CDH12: variants seen among roughly 807,000 people sequenced by gnomAD.
The protein encoded by CDH12 is cadherin 12.
CDH12 carries 41 observed loss-of-function variants against 74.1 expected under a neutral mutation model. That is an observed-to-expected ratio of 0.55 (90% CI 0.43 to 0.72). The LOEUF is 0.72. CDH12 is among the 30% of genes least tolerant of loss of function. CDH12 has a pLI of 0.00. For missense variants in CDH12, 945 were observed against 977.2 expected, an observed-to-expected ratio of 0.97 and a Z score of 0.44; for synonymous variants, 399 against 355.0, an observed-to-expected ratio of 1.12 and a Z score of -1.39.
At position 22,307,941 on chromosome 5, in the gene CDH12, C is replaced by T. The variant is rs764159599; in HGVS notation, c.-332-95298G>A. ...TGTCGCCCAGGCTGGAGTGCAGTGG[C>T]GCGATCTCGGCTCACTGCAGGCTCT... On this transcript the variant is annotated intron_variant, in intron 3 of 14. Transcript: ENST00000382254. Among the ~76,000 whole-genome samples, 137 of 115,510 alleles carry T rather than the reference C, an allele frequency of 1.2e-3. 2 individuals carry two copies. Among genetic ancestry groups the T allele is most frequent in the East Asian group, 1.8e-3 (6 of 3,252 alleles). The allele number at this position is 115,510 out of a possible 152,430, so 75.8% of individuals were successfully genotyped here. A position where few individuals can be genotyped will look rare whatever the true frequency, so the allele number is the denominator to read the frequency against.
intron 6 of CDH12, among the ~76,000 whole-genome samples, chr5:21,915,076 G>C (rs1754026371): frequency 1.3e-5 from 2 of 152,170 alleles, no homozygotes; most frequent in Non-Finnish European, 2.9e-5. Context: ...TTCAGCCTGG[G>C]AAGGACCTGA....
intron 4 of CDH12, among the ~76,000 whole-genome samples, chr5:22,125,123 G>A (rs1218623769): frequency 6.6e-6 from 1 of 151,414 alleles, no homozygotes; most frequent in African/African-American, 2.4e-5. Flanking sequence ...TTTAAATTCT[G>A]GGATACATGT....
At chr5:22,492,671 T>C (rs148578523) in intron 2 of CDH12, among the ~76,000 whole-genome samples, 3 of 152,254 alleles carry the variant, frequency 2.0e-5, no homozygotes, top group Non-Finnish European at 4.4e-5. Flanking sequence ...CTAAAACTTC[T>C]TTTGTTTATT....
intron 5 of CDH12, among the ~76,000 whole-genome samples, chr5:22,010,428 A>G (rs2150152219): frequency 6.6e-6 from 1 of 152,280 alleles, no homozygotes. Context: ...ATGTAACCTG[A>G]GCAAACTTAG....
At chr5:22,552,532 G>A (rs1169731577) in intron 1 of CDH12, among the ~76,000 whole-genome samples, 1 of 151,560 alleles carries the variant, frequency 6.6e-6, no homozygotes, top group East Asian at 1.9e-4. Flanking sequence ...GGGTTCAAGC[G>A]ATTATCCTGC....
intron 3 of CDH12, among the ~76,000 whole-genome samples, chr5:22,349,193 T>A (rs1740250543): frequency 6.6e-6 from 1 of 152,208 alleles, no homozygotes. Context: ...CTTTCAGCAC[T>A]GTAAGAAATA....
At chr5:22,161,614 C>T (rs1355434872) in intron 4 of CDH12, among the ~76,000 whole-genome samples, 2 of 151,978 alleles carry the variant, frequency 1.3e-5, no homozygotes, top group Admixed American at 6.6e-5. Context: ...ATTGGATGAG[C>T]TCAGGAGTTC....
intron 3 of CDH12, among the ~76,000 whole-genome samples, chr5:22,340,750 C>T (rs1267798597): frequency 1.3e-5 from 2 of 152,104 alleles, no homozygotes; most frequent in African/African-American, 4.8e-5. Context: ...TTCTAAAATA[C>T]TTTTACTATC....
intron 11 of CDH12, among the ~76,000 whole-genome samples, chr5:21,770,370 T>A (rs1173239495): frequency 1.3e-5 from 2 of 152,156 alleles, no homozygotes; most frequent in Non-Finnish European, 2.9e-5. Context: ...ACGCCTGTAA[T>A]CTCAGCAATT....
intron 3 of CDH12, among the ~76,000 whole-genome samples, chr5:22,237,144 C>T (rs1028549135): frequency 1.3e-5 from 2 of 152,050 alleles, no homozygotes; most frequent in African/African-American, 4.8e-5. Context: ...ACCAGCAGCA[C>T]CGCAAACAGG....
chr5:22,568,814 C>T lies in CDH12; in HGVS notation c.-522-63450G>A, dbSNP rs140694168. On this transcript the variant is annotated intron_variant, in intron 1 of 14. Transcript: ENST00000382254. ...TGTTTACACTAGTCTTTTATGTGTG[C>T]GATAGTATGATGACTAAAAAAATGC... Among the ~76,000 whole-genome samples, 391 of 152,000 alleles carry T rather than the reference C, an allele frequency of 2.6e-3. 3 individuals carry two copies. Among genetic ancestry groups the T allele is most frequent in the African/African-American group, 8.8e-3 (364 of 41,468 alleles).
At chr5:22,297,429 A>T (rs1282008155) in intron 3 of CDH12, among the ~76,000 whole-genome samples, 1 of 152,162 alleles carries the variant, frequency 6.6e-6, no homozygotes, top group African/African-American at 2.4e-5. Context: ...TGTTGCTTTA[A>T]ATTATGCAAA....
At chr5:21,916,416 C>A (rs1754096211) in intron 6 of CDH12, among the ~76,000 whole-genome samples, 1 of 152,082 alleles carries the variant, frequency 6.6e-6, no homozygotes, top group South Asian at 2.1e-4. Flanking sequence ...AAACATTTTT[C>A]TTGTCTTTGC....
chr5:22,412,727 T>C (rs1389589963), intron 2 of CDH12, among the ~76,000 whole-genome samples: 1 of 151,930 alleles, frequency 6.6e-6, no homozygotes, highest in Non-Finnish European at 1.5e-5. Flanking sequence ...GGCTATACTA[T>C]AACTCTGTAT....
At chr5:22,098,589 C>T (rs1743941674) in intron 4 of CDH12, among the ~76,000 whole-genome samples, 1 of 152,210 alleles carries the variant, frequency 6.6e-6, no homozygotes, top group South Asian at 2.1e-4. Flanking sequence ...TATTTTCTTC[C>T]TCCCACCTGA....
At chr5:21,851,762 A>G (rs1035085693) in intron 7 of CDH12, among the ~76,000 whole-genome samples, 5 of 151,362 alleles carry the variant, frequency 3.3e-5, no homozygotes, top group African/African-American at 9.7e-5. Flanking sequence ...ATCAATTTAT[A>G]TTGTTTAGAA....
intron 5 of CDH12, among the ~76,000 whole-genome samples, chr5:22,036,401 T>C (rs1421618392): frequency 6.6e-6 from 1 of 152,094 alleles, no homozygotes; most frequent in African/African-American, 2.4e-5. Flanking sequence ...GATGAGATAA[T>C]CCAAAAGAGA....
intron 1 of CDH12, among the ~76,000 whole-genome samples, chr5:22,526,429 G>T (rs1489232419): frequency 6.6e-6 from 1 of 152,156 alleles, no homozygotes; most frequent in Non-Finnish European, 1.5e-5. Context: ...GGACAATGAA[G>T]GTGTATTTCC....
At chr5:22,715,799 T>TAA (rs112471843) in intron 1 of CDH12, among the ~76,000 whole-genome samples, 2 of 121,008 alleles carry the variant, frequency 1.7e-5, no homozygotes, top group Non-Finnish European at 1.7e-5. Context: ...AGATCCCATC[T>TAA]AAAAAAAAAA....
Sources: gnomAD v4.1 joint callset for allele counts (sites outside exome capture counted in the v4.1 genomes callset) on GRCh38, gnomAD v4.1.1 for gene constraint, MANE v1.5 for transcripts, NCBI Gene and HGNC (gene_info 2026-07-23, HGNC 2026-07-21) for gene names.